The following THSD7B variants were observed in gnomAD, a reference collection of about 807,000 sequenced individuals.
THSD7B encodes the protein thrombospondin type-1 domain-containing protein 7B.
A neutral mutation model predicts 213.6 loss-of-function variants in THSD7B; 138 were observed. The observed-to-expected ratio is 0.65, with a 90% CI of 0.56 to 0.74. THSD7B has a LOEUF of 0.74. THSD7B is among the 30% of genes least tolerant of loss of function. The pLI, the probability that THSD7B is intolerant of heterozygous loss-of-function variation, is 0.00. For synonymous variants in THSD7B, 742 were observed against 687.0 expected (o/e 1.08, Z -1.25); for missense variants, 1,931 against 1,991.5 (o/e 0.97, Z 0.58).
At chr2:136,880,300 G>T (rs552376799) in intron 1 of THSD7B, among the ~76,000 whole-genome samples, 1 of 152,282 alleles carries the variant, frequency 6.6e-6, no homozygotes, top group East Asian at 1.9e-4. Flanking sequence ...CTCATAGTCA[G>T]ATTTGCCACC....
chr2:136,914,890 C>T (rs1228741609), intron 2 of THSD7B, among the ~76,000 whole-genome samples: 2 of 151,994 alleles, frequency 1.3e-5, no homozygotes, highest in Non-Finnish European at 2.9e-5. Context: ...ACATGATAGG[C>T]ATCATATAAC....
At chr2:137,318,786 C>CTTTTTTTTTTTTT (rs70978212) in intron 12 of THSD7B, among the ~76,000 whole-genome samples, 1 of 73,660 alleles carries the variant, frequency 1.4e-5, no homozygotes, top group Non-Finnish European at 2.2e-5. Context: ...GAATGCTTAT[C>CTTTTTTTTTTTTT]TTTTTTTTTT....
intron 15 of THSD7B, among the ~76,000 whole-genome samples, chr2:137,541,336 G>A (rs965444401): frequency 4.0e-5 from 6 of 151,552 alleles, no homozygotes; most frequent in African/African-American, 1.5e-4. Flanking sequence ...AAAACAAGAA[G>A]CAGTCACTAG....
At chr2:137,242,155 G>T (rs987209252) in intron 9 of THSD7B, among the ~76,000 whole-genome samples, 1 of 152,110 alleles carries the variant, frequency 6.6e-6, no homozygotes, top group African/African-American at 2.4e-5. Context: ...GATAAAATTA[G>T]TTGATGCTGA....
chr2:137,370,247 A>T (rs1685513552), intron 12 of THSD7B, among the ~76,000 whole-genome samples: 1 of 152,090 alleles, frequency 6.6e-6, no homozygotes, highest in Admixed American at 6.6e-5. Context: ...TCATTCATTC[A>T]TTTTAATTTT....
chr2:137,661,361 G>A (rs1477955389), intron 25 of THSD7B, among the ~76,000 whole-genome samples: 22 of 152,036 alleles, frequency 1.4e-4, no homozygotes, highest in African/African-American at 5.1e-4. Context: ...TGACACTCGA[G>A]TTATTACAAG....
intron 16 of THSD7B, among the ~76,000 whole-genome samples, chr2:137,569,781 C>G (rs1210417267): frequency 6.6e-6 from 1 of 150,432 alleles, no homozygotes; most frequent in East Asian, 2.0e-4. Flanking sequence ...TGGAGTAATG[C>G]CTTTCCCTCC....
At chr2:136,854,016 C>T (rs994774944) in intron 1 of THSD7B, among the ~76,000 whole-genome samples, 3 of 152,198 alleles carry the variant, frequency 2.0e-5, no homozygotes, top group African/African-American at 4.8e-5. Context: ...TCTGGCACAA[C>T]AGGATGCTCT....
chr2:137,118,865 CAG>C (rs1455209985), intron 5 of THSD7B, among the ~76,000 whole-genome samples: 2 of 152,014 alleles, frequency 1.3e-5, no homozygotes, highest in Non-Finnish European at 2.9e-5. Flanking sequence ...ACAATCATGG[CAG>C]AAGGGGAAAG....
chr2:137,545,971 T>C (rs1680700668), intron 15 of THSD7B, among the ~76,000 whole-genome samples: 1 of 151,664 alleles, frequency 6.6e-6, no homozygotes, highest in Admixed American at 6.6e-5. Flanking sequence ...ATTTTTTAAA[T>C]TAATTCAAGA....
At chr2:137,513,769 C>T (rs1293947652) in intron 15 of THSD7B, among the ~76,000 whole-genome samples, 2 of 152,128 alleles carry the variant, frequency 1.3e-5, no homozygotes, top group Non-Finnish European at 2.9e-5. Context: ...AGAAGTTGTC[C>T]AGACAACCAG....
chr2:137,546,389 TATATATTATATATATTA>T (rs1680716603), intron 15 of THSD7B, among the ~76,000 whole-genome samples: 1 of 38,464 alleles, frequency 2.6e-5, no homozygotes, highest in African/African-American at 1.5e-4. Flanking sequence ...ATATATATTA[TATATATTATATATATTA>T]TATATATATT....
In THSD7B at chr2:137,093,503, A is replaced by G. The variant is rs561016913; in HGVS notation, c.951-1370A>G. On this transcript the variant is annotated intron_variant, in intron 3 of 27. Transcript: ENST00000409968. Reference sequence around the variant, plus strand: ...ACAATTGGCTCCTGTGAGCAGGTAGAGCTAGCTCCAGTATACCACTGGTTC... The same window carrying G: ...ACAATTGGCTCCTGTGAGCAGGTAGGGCTAGCTCCAGTATACCACTGGTTC... Among the ~76,000 whole-genome samples the G allele has an allele frequency of 3.3e-5, 5 of 152,346 alleles. No individual in the cohort carries two copies. The East Asian group carries it at 9.6e-4, about 29-fold the overall frequency.
intron 13 of THSD7B, among the ~76,000 whole-genome samples, chr2:137,409,090 T>G (rs1159107761): frequency 6.6e-6 from 1 of 152,176 alleles, no homozygotes; most frequent in Non-Finnish European, 1.5e-5. Flanking sequence ...TTGATGACCC[T>G]AGGAGAGGAG....
At chr2:136,811,158 G>A (rs925250804) in intron 1 of THSD7B, among the ~76,000 whole-genome samples, 5 of 152,128 alleles carry the variant, frequency 3.3e-5, no homozygotes, top group Admixed American at 6.5e-5. Context: ...CTTCCACTGC[G>A]TTCCCCACTG....
At chr2:136,893,341 T>G (rs6744034) in intron 2 of THSD7B, among the ~76,000 whole-genome samples, 4,484 of 152,150 alleles carry the variant, frequency 0.029, 102 homozygotes, top group South Asian at 0.071. Flanking sequence ...ATGGGAAATA[T>G]TCTGCCTCGT....
At chr2:137,204,988 T>G (rs1343719443) in intron 7 of THSD7B, among the ~76,000 whole-genome samples, 1 of 152,038 alleles carries the variant, frequency 6.6e-6, no homozygotes, top group Non-Finnish European at 1.5e-5. Context: ...CCAATTACTG[T>G]GTGAGAGGCT....
At chr2:137,213,276 G>C (rs1307069193) in intron 7 of THSD7B, among the ~76,000 whole-genome samples, 5 of 150,252 alleles carry the variant, frequency 3.3e-5, no homozygotes, top group Non-Finnish European at 5.9e-5. Flanking sequence ...TATATCTGCT[G>C]TTATGTATTG....
At chr2:137,291,264 C>T (rs946285979) in intron 12 of THSD7B, among the ~76,000 whole-genome samples, 1 of 152,122 alleles carries the variant, frequency 6.6e-6, no homozygotes, top group African/African-American at 2.4e-5. Context: ...TCCATTCTCC[C>T]AGTTGTAATT....
Sources: gnomAD v4.1 joint callset for allele counts (sites outside exome capture counted in the v4.1 genomes callset) on GRCh38, gnomAD v4.1.1 for gene constraint, MANE v1.5 for transcripts, NCBI Gene and HGNC (gene_info 2026-07-23, HGNC 2026-07-21) for gene names.